LNX1: variants seen among roughly 807,000 people sequenced by gnomAD.
LNX1 encodes E3 ubiquitin-protein ligase LNX.
Under a neutral mutation model 68.4 loss-of-function variants are expected in LNX1, and 54 were observed. The observed-to-expected ratio is 0.79, with a 90% CI of 0.63 to 0.99. The LOEUF (loss-of-function observed/expected upper bound fraction) is 0.99, where lower values mean the gene tolerates loss of function less well. Ranked by LOEUF, LNX1 falls within the 50% of genes least tolerant of loss-of-function variation. LNX1 has a pLI of 0.00. For synonymous variants in LNX1, 336 were observed against 350.0 expected (o/e 0.96, Z 0.45); for missense variants, 906 against 926.4 (o/e 0.98, Z 0.29).
At chr4:53,604,975 A>G (rs1253443321) in intron 2 of LNX1, among the ~76,000 whole-genome samples, 1 of 152,194 alleles carries the variant, frequency 6.6e-6, no homozygotes, top group Non-Finnish European at 1.5e-5. Flanking sequence ...TCACCAGGGA[A>G]TTTCAGGACA....
chr4:53,507,937 A>G, intron 3 of LNX1, 49 bp downstream of exon 3: 1 of 1,591,356 alleles, frequency 6.3e-7, no homozygotes, highest in Admixed American at 1.7e-5. Flanking sequence ...CACAGAGGGC[A>G]ATCGCAAGCC....
At chr4:53,497,582 G>A (rs62323593) in intron 5 of LNX1, among the ~76,000 whole-genome samples, 18,143 of 152,208 alleles carry the variant, frequency 0.12, 1,173 homozygotes, top group East Asian at 0.16. Context: ...GGGAGTCAGG[G>A]TTGCCTGCTA....
In LNX1 at chr4:53,581,685, T is replaced by C. The variant is rs541282312; in HGVS notation, c.-86-7597A>G. Among the ~76,000 whole-genome samples, 323 of 152,250 alleles carry C rather than the reference T, an allele frequency of 2.1e-3. 1 individual carries two copies. The highest frequency in any genetic ancestry group is 7.3e-3 in the African/African-American group (303 of 41,544). ...CTTACTCACTATCGCAAGAATAGCA[T>C]GGGAAAAACCCGCCCCCATGATTCA... On this transcript the variant is annotated intron_variant, in intron 1 of 10. Transcript: ENST00000263925.
chr4:53,608,017 G>A (rs1000587773), intron 2 of LNX1, among the ~76,000 whole-genome samples: 3 of 152,044 alleles, frequency 2.0e-5, no homozygotes, highest in African/African-American at 7.2e-5. Context: ...AAAAACCCTG[G>A]GAGAAAACCT....
intron 1 of LNX1, chr4:53,575,957 T>G: frequency 6.4e-7 from 1 of 1,565,876 alleles, no homozygotes. Context: ...CAGGAGTGGC[T>G]GGGTGCCCTA....
intron 4 of LNX1, among the ~76,000 whole-genome samples, chr4:53,504,177 A>G (rs970062659): frequency 4.6e-5 from 7 of 152,254 alleles, no homozygotes; most frequent in Admixed American, 3.9e-4. Context: ...GCCACCTTCA[A>G]TGATTTTAGC....
intron 1 of LNX1, among the ~76,000 whole-genome samples, chr4:53,644,701 T>G (rs973354092): frequency 2.6e-5 from 4 of 152,140 alleles, no homozygotes; most frequent in African/African-American, 9.7e-5. Flanking sequence ...TTGGGTAGGT[T>G]ACCCCAGCAC....
intron 1 of LNX1, among the ~76,000 whole-genome samples, chr4:53,640,866 G>C (rs865872287): frequency 6.6e-6 from 1 of 152,214 alleles, no homozygotes; most frequent in Non-Finnish European, 1.5e-5. Context: ...CTGGGTTTCA[G>C]GTTCGACTCA....
chr4:53,621,908 A>G (rs1346065232), upstream of LNX1, among the ~76,000 whole-genome samples: 3 of 151,990 alleles, frequency 2.0e-5, no homozygotes, highest in Non-Finnish European at 4.4e-5. Context: ...TAAGTGAAGA[A>G]GTTGTAATAG....
chr4:53,637,489 G>A lies in LNX1; in HGVS notation c.-215+14679C>T, dbSNP rs138741019. ...TGATAATAATTCCTTAATTCCAAATGCTTTGCACTACACCTGTCATTTCAC... is the reference window on the plus strand; with the variant it reads ...TGATAATAATTCCTTAATTCCAAATACTTTGCACTACACCTGTCATTTCAC... On this transcript the variant is annotated intron_variant, in intron 1 of 2. Coordinates refer to the LNX1 transcript ENST00000507168. Among the ~76,000 whole-genome samples, 13 of 152,142 alleles carry A rather than the reference G, an allele frequency of 8.5e-5. 1 individual carries two copies. The East Asian group carries it at 2.5e-3, about 29-fold the overall frequency.
intron 1 of LNX1, chr4:53,576,429 G>A: frequency 6.9e-7 from 1 of 1,456,802 alleles, no homozygotes; most frequent in East Asian, 2.4e-5. Context: ...GCTTGGACAG[G>A]CACCTCAGAT....
chr4:53,641,879 G>A (rs557792693), intron 1 of LNX1, among the ~76,000 whole-genome samples: 47 of 152,154 alleles, frequency 3.1e-4, no homozygotes, highest in African/African-American at 1.1e-3. Context: ...TTTCTGCTTA[G>A]TATTGCATTG....
chr4:53,583,121 T>C (rs1467661490), intron 1 of LNX1, among the ~76,000 whole-genome samples: 4 of 152,204 alleles, frequency 2.6e-5, no homozygotes, highest in Non-Finnish European at 5.9e-5. Flanking sequence ...TAGTAAGACT[T>C]GACAGGATCG....
chr4:53,575,197 G>A (rs186062320), intron 1 of LNX1, among the ~76,000 whole-genome samples: 3 of 152,256 alleles, frequency 2.0e-5, no homozygotes, highest in Admixed American at 2.0e-4. Context: ...GGCCAGGCTG[G>A]TCTTGAACTC....
chr4:53,622,471 G>A (rs571927155), upstream of LNX1, among the ~76,000 whole-genome samples: 1 of 152,060 alleles, frequency 6.6e-6, no homozygotes, highest in Non-Finnish European at 1.5e-5. Flanking sequence ...GGCGTGGCGA[G>A]ACCACAGCTC....
At chr4:53,528,642 T>C (rs1162582212) in intron 2 of LNX1, among the ~76,000 whole-genome samples, 2 of 150,510 alleles carry the variant, frequency 1.3e-5, no homozygotes, top group African/African-American at 4.9e-5. Flanking sequence ...TGGTTTCAGG[T>C]ATCCACTGAG....
At chr4:53,637,906 A>G (rs1210014414) in intron 1 of LNX1, among the ~76,000 whole-genome samples, 1 of 152,182 alleles carries the variant, frequency 6.6e-6, no homozygotes, top group Non-Finnish European at 1.5e-5. Context: ...ACTCCACCCA[A>G]CCAGACCTAG....
At chr4:53,463,269 C>T (rs1396373672) in intron 9 of LNX1, among the ~76,000 whole-genome samples, 3 of 152,096 alleles carry the variant, frequency 2.0e-5, no homozygotes, top group Non-Finnish European at 4.4e-5. Context: ...CTGCTTTGAT[C>T]ATCTTTCTGC....
intron 2 of LNX1, among the ~76,000 whole-genome samples, chr4:53,529,457 A>G (rs551117939): frequency 1.8e-4 from 27 of 152,306 alleles, no homozygotes; most frequent in African/African-American, 6.0e-4. Context: ...TTACATTCAC[A>G]TATTTCTACA....
Sources: gnomAD v4.1 joint callset for allele counts (sites outside exome capture counted in the v4.1 genomes callset) on GRCh38, gnomAD v4.1.1 for gene constraint, MANE v1.5 for transcripts, NCBI Gene and HGNC (gene_info 2026-07-23, HGNC 2026-07-21) for gene names.